PRKDC: variants seen among roughly 807,000 people sequenced by gnomAD.
The protein encoded by PRKDC is DNA-dependent protein kinase catalytic subunit.
A neutral mutation model predicts 486.9 loss-of-function variants in PRKDC; 82 were observed. The observed-to-expected ratio is 0.17, with a 90% confidence interval of 0.14 to 0.20. The LOEUF (loss-of-function observed/expected upper bound fraction) is 0.20, where lower values mean the gene tolerates loss of function less well. PRKDC is among the 10% of genes least tolerant of loss of function. The pLI is 1.00. For synonymous variants in PRKDC, 1,895 were observed against 1,837.0 expected (o/e 1.03, Z -0.81); for missense variants, 4,504 against 5,038.2 (o/e 0.89, Z 3.21).
In PRKDC at chr8:47,807,335, A is replaced by C; in HGVS notation, c.9558-9T>G. Reference sequence around the variant, plus strand: ...TGCTGAGAAAGAAACATCTACACAAAGAAAAATGAGACAATGTCACAGACT... The same window carrying C: ...TGCTGAGAAAGAAACATCTACACAACGAAAAATGAGACAATGTCACAGACT... On this transcript the variant is annotated splice_polypyrimidine_tract_variant and intron_variant, in intron 68 of 85. Coordinates refer to ENST00000314191, the MANE Select transcript of PRKDC (RefSeq NM_006904.7). 1 of 1,524,598 alleles carries C rather than the reference A, an allele frequency of 6.6e-7. No homozygotes were observed. Among genetic ancestry groups the C allele is most frequent in the Non-Finnish European group, 8.8e-7 (1 of 1,134,466 alleles). The allele number at this position is 1,524,598 out of a possible 1,614,324, so 94.4% of individuals were successfully genotyped here. A position where few individuals can be genotyped will look rare whatever the true frequency, so the allele number is the denominator to read the frequency against.
chr8:47,911,259 A>G (rs1034266504), intron 25 of PRKDC, among the ~76,000 whole-genome samples: 4 of 152,242 alleles, frequency 2.6e-5, no homozygotes, highest in African/African-American at 9.6e-5. Flanking sequence ...ACTAACTCCA[A>G]GTAAAGCACT....
At chr8:47,859,791 A>T (rs760440773) in intron 45 of PRKDC, 32 bp from the exon 46 acceptor site, 2 of 1,556,380 alleles carry the variant, frequency 1.3e-6, no homozygotes, top group Non-Finnish European at 1.8e-6. Context: ...AATTACATGT[A>T]TTCAAACATA....
intron 7 of PRKDC, among the ~76,000 whole-genome samples, chr8:47,950,397 G>C (rs931156969): frequency 6.6e-6 from 1 of 152,048 alleles, no homozygotes; most frequent in Non-Finnish European, 1.5e-5. Context: ...AGGCCGAGCC[G>C]GGCAGATCAC....
chr8:47,904,152 C>T (rs2089731444), intron 26 of PRKDC, among the ~76,000 whole-genome samples: 1 of 152,238 alleles, frequency 6.6e-6, no homozygotes, highest in Admixed American at 6.5e-5. Flanking sequence ...GACAATGCTT[C>T]TCCGTGTCAG....
At position 47,774,317 on chromosome 8, in the gene PRKDC, T is replaced by C. The variant is rs926883969; in HGVS notation, c.12243A>G (p.Ala4081=). Residue 4081 remains alanine (A), a synonymous_variant, in exon 86 of 86, where the codon GCA becomes GCG. Coordinates refer to ENST00000314191, the MANE Select transcript of PRKDC (RefSeq NM_006904.7). ...APAFRDYVAV[A]RGSKDHNIRA... is the part of the protein sequence containing the mutation. ...GAATGTTGTGATCTTTGCTTCCTCG[T>C]GCCACAGCCACATAGTCTCTGAAGG... 2 of 1,613,446 alleles carry C rather than the reference T, an allele frequency of 1.2e-6. No homozygotes were observed. Among genetic ancestry groups the C allele is most frequent in the Non-Finnish European group, 1.7e-6 (2 of 1,179,802 alleles).
Position 47,934,022 on chromosome 8 carries a change from G to A in PRKDC, c.1566C>T (p.Pro522=). 4 of 1,613,660 alleles carry A rather than the reference G, an allele frequency of 2.5e-6. No homozygotes were observed. Among genetic ancestry groups the A allele is most frequent in the Non-Finnish European group, 3.4e-6 (4 of 1,179,796 alleles). ...GEVRTGKWKV[P]TYKDYVDLFR... ...AGAGATCCACGTAGTCTTTGTATGTGGGCACCTTCCATTTGCCAGTTCTGA... is the reference window on the plus strand; with the variant it reads ...AGAGATCCACGTAGTCTTTGTATGTAGGCACCTTCCATTTGCCAGTTCTGA... The change falls in exon 15 of 86, where the codon CCC becomes CCT. Residue 522 remains proline (P), a synonymous_variant. Transcript: ENST00000314191.
rs2090325272 is a variant in PRKDC at position 47,935,069 on chromosome 8, A to C, written c.1448-11T>G. On this transcript the variant is annotated splice_polypyrimidine_tract_variant and intron_variant, in intron 13 of 85. Coordinates refer to ENST00000314191, the MANE Select transcript of PRKDC (RefSeq NM_006904.7). ...TTAAACCCTGATGCACTGAAAAAAG[A>C]AAAAGAAAACAAAAATGAAGGAAAC... 1 of 1,480,578 alleles carries C rather than the reference A, an allele frequency of 6.8e-7. No homozygotes were observed. Among genetic ancestry groups the C allele is most frequent in the East Asian group, 2.5e-5 (1 of 40,070 alleles). The allele number at this position is 1,480,578 out of a possible 1,614,324, so 91.7% of individuals were successfully genotyped here.
At chr8:47,851,159 A>G (rs1441720508) in intron 52 of PRKDC, among the ~76,000 whole-genome samples, 2 of 152,356 alleles carry the variant, frequency 1.3e-5, no homozygotes, top group African/African-American at 4.8e-5. Flanking sequence ...TCTACGATAA[A>G]TCCGTATCAC....
intron 54 of PRKDC, among the ~76,000 whole-genome samples, chr8:47,847,508 A>G (rs2088295204): frequency 6.6e-6 from 1 of 152,224 alleles, no homozygotes; most frequent in South Asian, 2.1e-4. Context: ...TGGATTACAG[A>G]CTTCAATGTA....
intron 63 of PRKDC, among the ~76,000 whole-genome samples, chr8:47,826,040 T>TC (rs922108761): frequency 9.2e-5 from 14 of 152,194 alleles, no homozygotes; most frequent in Non-Finnish European, 2.1e-4. Flanking sequence ...AAGGATCCCC[T>TC]CCCTTACTTT....
intron 36 of PRKDC, among the ~76,000 whole-genome samples, chr8:47,883,694 C>A (rs1008601014): frequency 6.6e-6 from 1 of 152,250 alleles, no homozygotes; most frequent in Non-Finnish European, 1.5e-5. Flanking sequence ...TTCCCAAGAG[C>A]CTTTTTTGTT....
intron 61 of PRKDC, among the ~76,000 whole-genome samples, chr8:47,828,785 A>G (rs1446833613): frequency 6.6e-6 from 1 of 152,218 alleles, no homozygotes; most frequent in Non-Finnish European, 1.5e-5. Flanking sequence ...TTCTCCTATC[A>G]GCACCATGGT....
intron 7 of PRKDC, among the ~76,000 whole-genome samples, chr8:47,945,517 C>G (rs2154504243): frequency 6.6e-6 from 1 of 152,162 alleles, no homozygotes; most frequent in East Asian, 1.9e-4. Flanking sequence ...CCTTTCGTGG[C>G]TGGCTTATTC....
In PRKDC at chr8:47,887,662, A is replaced by T; in HGVS notation, c.4457T>A (p.Leu1486Gln). Residue 1486 changes from leucine (L) to glutamine (Q), a missense_variant, in exon 35 of 86, where the codon CTG becomes CAG. By Grantham distance (113) the Leu-to-Gln change is moderately radical. Around this residue, in one of 6 missense-constraint regions of PRKDC, gnomAD observed 1,969 missense variants for 2,068.9 expected, o/e 0.95. Coordinates refer to ENST00000314191, the MANE Select transcript of PRKDC (RefSeq NM_006904.7). ...HHSVGTELLS[L>Q]VYKGIAPGDE... is the part of the protein sequence containing the mutation. Reference sequence around the variant, plus strand: ...TCCAGGGGCAATGCCTTTATAAACCAGGGAAAGAAGTTCTGTGCCAACAGA... The same window carrying T: ...TCCAGGGGCAATGCCTTTATAAACCTGGGAAAGAAGTTCTGTGCCAACAGA... The T allele has an allele frequency of 6.2e-7, 1 of 1,610,256 alleles. No homozygotes were observed. Among genetic ancestry groups the T allele is most frequent in the East Asian group, 2.2e-5 (1 of 44,838 alleles).
At chr8:47,936,099 T>C (rs937528441) in intron 12 of PRKDC, among the ~76,000 whole-genome samples, 199 bp from the exon 13 acceptor site, 2 of 152,140 alleles carry the variant, frequency 1.3e-5, no homozygotes, top group African/African-American at 4.8e-5. Context: ...AAAATTGTCT[T>C]GAGGTGCAAT....
At chr8:47,958,708 G>A (rs917927667) in intron 1 of PRKDC, among the ~76,000 whole-genome samples, 13 of 150,864 alleles carry the variant, frequency 8.6e-5, no homozygotes, top group Admixed American at 2.6e-4. Flanking sequence ...AACAGATAGA[G>A]TACATATAGG....
chr8:47,875,007 T>C (rs2154501181), intron 40 of PRKDC, among the ~76,000 whole-genome samples: 1 of 152,246 alleles, frequency 6.6e-6, no homozygotes, highest in Middle Eastern at 3.4e-3. Flanking sequence ...GCAGTGAGCC[T>C]TGACCACTGC....
At chr8:47,895,217 TAAAAG>T (rs981991794) in intron 30 of PRKDC, among the ~76,000 whole-genome samples, 42 of 151,112 alleles carry the variant, frequency 2.8e-4, no homozygotes, top group African/African-American at 9.0e-4. Context: ...AGGAAAAAAA[TAAAAG>T]AAAACAAAAA....
intron 52 of PRKDC, among the ~76,000 whole-genome samples, chr8:47,849,770 G>A (rs535015305): frequency 6.6e-6 from 1 of 152,302 alleles, no homozygotes; most frequent in East Asian, 1.9e-4. Context: ...CCAGGTGTCT[G>A]GCTCGTGTAG....
Sources: gnomAD v4.1 joint callset for allele counts (sites outside exome capture counted in the v4.1 genomes callset) on GRCh38, gnomAD v4.1.1 for gene constraint, gnomAD v4.1.1 regional missense constraint, MANE v1.5 for transcripts, NCBI Gene and HGNC (gene_info 2026-07-23, HGNC 2026-07-21) for gene names.